Variants in MYO15A observed in about 807,000 individuals in gnomAD.
MYO15A encodes myosin XVA, also known as unconventional myosin-XV.
MYO15A carries 308 observed loss-of-function variants against 394.6 expected under a neutral mutation model. The observed-to-expected ratio is 0.78, with a 90% confidence interval of 0.71 to 0.86. The LOEUF is 0.86. Among genes scored for constraint, MYO15A ranks in the 40% least tolerant of loss-of-function variants. MYO15A has a pLI of 0.00. For missense variants in MYO15A, 4,606 were observed against 4,799.1 expected, an observed-to-expected ratio of 0.96 and a Z score of 1.19; for synonymous variants, 1,957 against 2,003.8, an observed-to-expected ratio of 0.98 and a Z score of 0.62.
Position 18,120,570 on chromosome 17 carries a change from G to A in MYO15A, c.1770G>A (p.Arg590=), listed in dbSNP as rs1305365353. ...AGAAGAAGCCCATCGCGCGGCTCAG[G>A]GGCAGCCAGAAGGCCCGGGCGGGCG... ...LSEKKPIARL[R]GSQKARAGGP... Residue 590 remains arginine (R), a synonymous_variant, in exon 2 of 66, where the codon AGG becomes AGA. Transcript: ENST00000647165. The A allele has an allele frequency of 1.9e-6, 3 of 1,599,814 alleles. No individual in the cohort carries two copies. The highest frequency in any genetic ancestry group is 3.4e-5 in the Admixed American group (2 of 59,090).
intron 60 of MYO15A, among the ~76,000 whole-genome samples, chr17:18,165,469 C>G (rs1266419350): frequency 6.6e-6 from 1 of 152,178 alleles, no homozygotes; most frequent in Non-Finnish European, 1.5e-5. Flanking sequence ...ATCCTCATAT[C>G]TCTCTCCCTG....
At chr17:18,149,127 A>G in intron 33 of MYO15A, 89 bp from the exon 34 acceptor site, 1 of 1,549,556 alleles carries the variant, frequency 6.5e-7, no homozygotes, top group Non-Finnish European at 8.8e-7. Context: ...AAATGGAGAA[A>G]GCCACTGAAT....
rs2046443527 is a variant in MYO15A at position 18,144,589 on chromosome 17, G to A, written c.6270G>A (p.Lys2090=). Residue 2090 remains lysine, a synonymous_variant, in exon 29 of 66, where the codon AAG becomes AAA. Transcript: ENST00000647165. ...ATGCAGAAGCCGTGAGCATCTTCAA[G>A]CTGGTATGGGGTCTGCCCCAGCCCA... ...EHHAEAVSIF[K]LILRFMGDPH... is the part of the protein sequence containing the mutation. 5 of 1,611,714 alleles carry A rather than the reference G, an allele frequency of 3.1e-6. No individual in the cohort carries two copies. The highest frequency in any genetic ancestry group is 1.7e-5 in the Admixed American group (1 of 60,002).
chr17:18,145,753 G>A (rs1344745301), intron 29 of MYO15A, 119 bp from the exon 30 acceptor site: 4 of 817,052 alleles, frequency 4.9e-6, no homozygotes, highest in Non-Finnish European at 6.2e-6. Flanking sequence ...TGTAATATAA[G>A]GGACATTTAT....
rs199505716 is a variant in MYO15A, at chr17:18,122,382, G to A, written c.3582G>A (p.Glu1194=). Residue 1194 remains glutamate (E), a synonymous_variant, in exon 2 of 66, where the codon GAG becomes GAA. Coordinates refer to ENST00000647165, the MANE Select transcript of MYO15A (RefSeq NM_016239.4). The part of the protein sequence containing the change: ...ACLSLRGSWE[E]VGPPSWRNKM... ...TGTCCCTTAGGGGCTCCTGGGAGGAGGTCGGCCCGCCAAGCTGGCGGAACA... is the reference window on the plus strand; with the variant it reads ...TGTCCCTTAGGGGCTCCTGGGAGGAAGTCGGCCCGCCAAGCTGGCGGAACA... 3 of 1,612,736 alleles carry A rather than the reference G, an allele frequency of 1.9e-6. No homozygotes were observed. Among genetic ancestry groups the A allele is most frequent in the Non-Finnish European group, 8.5e-7 (1 of 1,179,924 alleles).
intron 6 of MYO15A, 22 bp downstream of exon 6, chr17:18,126,887 G>A: frequency 6.2e-7 from 1 of 1,613,764 alleles, no homozygotes; most frequent in Non-Finnish European, 8.5e-7. Flanking sequence ...GCCTTTATGT[G>A]GGGGATAAAT....
chr17:18,146,969 C>T (rs529676346), intron 30 of MYO15A, among the ~76,000 whole-genome samples: 8 of 152,240 alleles, frequency 5.3e-5, no homozygotes, highest in African/African-American at 1.7e-4. Flanking sequence ...ACTTCATAGG[C>T]TCTTGTGTGG....
At chr17:18,158,785 T>G in intron 52 of MYO15A, 140 bp from the exon 53 acceptor site, 1 of 1,378,850 alleles carries the variant, frequency 7.3e-7, no homozygotes, top group South Asian at 1.2e-5. Context: ...TTTCAGTGCC[T>G]GCCTCTGGGG....
Position 18,148,388 on chromosome 17 carries a change from A to T in MYO15A, c.6692-108A>T. On this transcript the variant is annotated intron_variant, in intron 31 of 65. Coordinates refer to ENST00000647165, the MANE Select transcript of MYO15A (RefSeq NM_016239.4). The surrounding 1 kb of genome is among the most constrained non-coding windows in gnomAD (Gnocchi z 4.8). ...CTGGCCCAGGAAAGGGGAGCCAGGG[A>T]AGTGAGGCTACAGATACAGGAAGCC... 1 of 1,470,420 alleles carries T rather than the reference A, an allele frequency of 6.8e-7. No individual in the cohort carries two copies. The allele number at this position is 1,470,420 out of a possible 1,614,324, so 91.1% of individuals were successfully genotyped here.
Position 18,124,914 on chromosome 17 carries a change from T to C in MYO15A, c.3693-254T>C, listed in dbSNP as rs1434605253. 3 of 596,382 alleles carry C rather than the reference T, an allele frequency of 5.0e-6. No individual in the cohort carries two copies. In the African/African-American group the frequency reaches 5.6e-5, roughly 11 times the overall value. The allele number at this position is 596,382 out of a possible 1,614,324, so 36.9% of individuals were successfully genotyped here. A position where few individuals can be genotyped will look rare whatever the true frequency, so the allele number is the denominator to read the frequency against. ...CGTGTTGGTCAGCATCATTATCTAA[T>C]CACAGTGATTACGTAAGAGTGTCCC... is the stretch of plus-strand genomic sequence containing the variant. On this transcript the variant is annotated intron_variant, in intron 3 of 65. Coordinates refer to ENST00000647165, the MANE Select transcript of MYO15A (RefSeq NM_016239.4).
Position 18,148,419 on chromosome 17 carries a change from G to A in MYO15A, c.6692-77G>A, listed in dbSNP as rs948553482. The A allele has an allele frequency of 9.8e-6, 15 of 1,526,878 alleles. No individual in the cohort carries two copies. Among genetic ancestry groups the A allele is most frequent in the Middle Eastern group, 2.0e-4 (1 of 5,080 alleles). The allele number at this position is 1,526,878 out of a possible 1,614,324, so 94.6% of individuals were successfully genotyped here. A position where few individuals can be genotyped will look rare whatever the true frequency, so the allele number is the denominator to read the frequency against. On this transcript the variant is annotated intron_variant, in intron 31 of 65. Coordinates refer to ENST00000647165, the MANE Select transcript of MYO15A (RefSeq NM_016239.4). The surrounding 1 kb of genome is among the most constrained non-coding windows in gnomAD (Gnocchi z 4.8). Reference sequence around the variant, plus strand: ...GGCTACAGATACAGGAAGCCTGAAAGGAAGAAGCAAGCAGGGAGGCACAGC... The same window carrying A: ...GGCTACAGATACAGGAAGCCTGAAAAGAAGAAGCAAGCAGGGAGGCACAGC...
chr17:18,124,609 G>A (rs1170808754), intron 3 of MYO15A, 44 bp downstream of exon 3: 14 of 1,586,436 alleles, frequency 8.8e-6, no homozygotes, highest in African/African-American at 1.3e-5. Context: ...GTCACCATGG[G>A]GTCCCCACCC....
chr17:18,140,478 C>T (rs1178972433), intron 19 of MYO15A, 39 bp from the exon 20 acceptor site: 6 of 1,613,044 alleles, frequency 3.7e-6, no homozygotes, highest in Non-Finnish European at 5.1e-6. Context: ...GTCTCCCGGA[C>T]CCTGCCTGTC....
rs139908645 is a variant in MYO15A, at chr17:18,172,450, C to G, written c.10350+160C>G. 5.1e-3 allele frequency: 5,940 copies of G among 1,156,094 alleles called. 18 individuals are homozygous for G. Among genetic ancestry groups the G allele is most frequent in the Non-Finnish European group, 6.7e-3 (5,271 of 787,726 alleles). 71.6% of individuals were successfully genotyped at this position (1,156,094 alleles called of 1,614,324 possible). ...CTTCCCTCCTCTGAGCCTTGCTTTC[C>G]TCATCTGGAAAATGAGGATAAGAGT... On this transcript the variant is annotated intron_variant, in intron 64 of 65. Transcript: ENST00000647165.
intron 50 of MYO15A, 190 bp downstream of exon 50, chr17:18,157,420 G>A (rs2046695149): frequency 1.1e-6 from 1 of 921,698 alleles, no homozygotes; most frequent in South Asian, 1.4e-5. Context: ...TTGCCTGAGG[G>A]GTCTCCGTGG....
intron 28 of MYO15A, 63 bp from the exon 29 acceptor site, chr17:18,144,434 A>C (rs1436308187): frequency 7.9e-6 from 11 of 1,393,554 alleles, no homozygotes; most frequent in Admixed American, 1.8e-5. Flanking sequence ...GGCACAGAGC[A>C]GTGGGTCCAG....
chr17:18,144,467 G>A, intron 28 of MYO15A, 30 bp from the exon 29 acceptor site: 1 of 1,594,556 alleles, frequency 6.3e-7, no homozygotes, highest in Non-Finnish European at 8.6e-7. Flanking sequence ...GTCCAGCTCT[G>A]TCTGCTCATG....
At chr17:18,168,639 C>T (rs1203471390) in intron 62 of MYO15A, among the ~76,000 whole-genome samples, 1 of 151,866 alleles carries the variant, frequency 6.6e-6, no homozygotes, top group African/African-American at 2.4e-5. Context: ...CACCTGGGCT[C>T]AAGTAACCCT....
At chr17:18,127,270 G>C in intron 7 of MYO15A, 105 bp downstream of exon 7, 1 of 1,376,308 alleles carries the variant, frequency 7.3e-7, no homozygotes, top group Non-Finnish European at 1.0e-6. Context: ...AGGAAGATGA[G>C]GAGGCTGAGT....
Sources: allele counts gnomAD v4.1 joint callset (sites outside exome capture counted in the v4.1 genomes callset), GRCh38; gene constraint gnomAD v4.1.1; non-coding constraint Gnocchi (gnomAD v3.1); transcripts MANE v1.5; gene names NCBI Gene and HGNC (gene_info 2026-07-23, HGNC 2026-07-21).